Variants in KIAA1671 observed in about 807,000 individuals in gnomAD.
The protein encoded by KIAA1671 is uncharacterized protein KIAA1671.
A neutral mutation model predicts 131.2 loss-of-function variants in KIAA1671; 52 were observed. The observed-to-expected ratio is 0.40, with a 90% confidence interval of 0.32 to 0.50. KIAA1671 has a LOEUF of 0.50. Among genes scored for constraint, KIAA1671 ranks in the 20% least tolerant of loss-of-function variants. The pLI is 0.73. For synonymous variants in KIAA1671, 1,003 were observed against 961.6 expected, an observed-to-expected ratio of 1.04 and a Z score of -0.80; for missense variants, 2,360 against 2,364.2, an observed-to-expected ratio of 1.00 and a Z score of 0.04.
At chr22:25,165,972 C>CAGGCCGTA (rs796147831) in intron 6 of KIAA1671, among the ~76,000 whole-genome samples, 4 of 152,136 alleles carry the variant, frequency 2.6e-5, no homozygotes, top group African/African-American at 7.2e-5. Flanking sequence ...GTCCCGCAGG[C>CAGGCCGTA]CGTAACCCTT....
intron 6 of KIAA1671, among the ~76,000 whole-genome samples, chr22:25,153,903 C>T (rs9608371): frequency 0.11 from 16,148 of 152,286 alleles, 931 homozygotes; most frequent in East Asian, 0.16. Context: ...CACCCCAAGG[C>T]GCCTGCTAAC....
chr22:25,130,277 G>T (rs1448307032), intron 6 of KIAA1671, among the ~76,000 whole-genome samples: 1 of 152,166 alleles, frequency 6.6e-6, no homozygotes, highest in Non-Finnish European at 1.5e-5. Context: ...GTCACACCCT[G>T]TTAAGATCTA....
chr22:25,029,363 G>A lies in KIAA1671; in HGVS notation c.1364G>A (p.Gly455Glu). The A allele has an allele frequency of 6.4e-7, 1 of 1,551,218 alleles. No homozygotes were observed. The highest frequency in any genetic ancestry group is 8.7e-7 in the Non-Finnish European group (1 of 1,146,766). The change falls in exon 3 of 13, where the codon GGG becomes GAG. Residue 455 changes from glycine (G) to glutamate (E), a missense_variant. By Grantham distance (98) the Gly-to-Glu change is moderately conservative. Transcript: ENST00000358431. ...REDSTLALAV[G>E]SESPLATPAS... Reference sequence around the variant, plus strand: ...GACAGCACCTTGGCCTTGGCAGTGGGGTCTGAATCTCCCCTGGCCACCCCT... The same window carrying A: ...GACAGCACCTTGGCCTTGGCAGTGGAGTCTGAATCTCCCCTGGCCACCCCT...
At position 25,125,603 on chromosome 22, in the gene KIAA1671, C is replaced by A. The variant is rs552904287; in HGVS notation, c.4531-45217C>A. Among the ~76,000 whole-genome samples the A allele has an allele frequency of 1.0e-3, 155 of 152,302 alleles. 7 individuals are homozygous for A. The South Asian group carries it at 0.032, about 31-fold the overall frequency. ...CGTTCGGGGCTGGATAATTCTCTGT[C>A]ATAGGGAGCTGTCCTGGGCACTGTA... On this transcript the variant is annotated intron_variant, in intron 6 of 12. Coordinates refer to ENST00000358431, the MANE Select transcript of KIAA1671 (RefSeq NM_001145206.2).
intron 6 of KIAA1671, among the ~76,000 whole-genome samples, chr22:25,113,246 A>T (rs933175531): frequency 6.6e-6 from 1 of 151,806 alleles, no homozygotes; most frequent in Non-Finnish European, 1.5e-5. Flanking sequence ...CCAGGCTCTG[A>T]CCTCCCCATT....
chr22:24,994,635 C>T (rs955302605), intron 1 of KIAA1671, among the ~76,000 whole-genome samples: 1 of 152,114 alleles, frequency 6.6e-6, no homozygotes, highest in Admixed American at 6.5e-5. Flanking sequence ...CAGAGGGCGA[C>T]CGTGGCTCAG....
At chr22:25,181,128 A>T (rs1934257185) in intron 9 of KIAA1671, among the ~76,000 whole-genome samples, 2 of 152,146 alleles carry the variant, frequency 1.3e-5, no homozygotes, top group Non-Finnish European at 1.5e-5. Context: ...GTCTCAGAGA[A>T]GTAGAAACTC....
intron 1 of KIAA1671, among the ~76,000 whole-genome samples, chr22:25,022,020 C>T (rs1037235163): frequency 2.6e-5 from 4 of 152,092 alleles, no homozygotes; most frequent in African/African-American, 9.7e-5. Flanking sequence ...GTGATCTGCT[C>T]GCCTCAGCCT....
intron 11 of KIAA1671, among the ~76,000 whole-genome samples, chr22:25,189,446 T>C (rs1934596798): frequency 1.3e-5 from 2 of 152,224 alleles, no homozygotes; most frequent in African/African-American, 4.8e-5. Flanking sequence ...GTGCAGGGAT[T>C]ACGGGCGTGA....
intron 6 of KIAA1671, among the ~76,000 whole-genome samples, chr22:25,081,985 C>G (rs1929433993): frequency 6.6e-6 from 1 of 152,066 alleles, no homozygotes; most frequent in African/African-American, 2.4e-5. Flanking sequence ...CACCTAAGCC[C>G]AGGAGTTGGA....
At position 25,069,777 on chromosome 22, in the gene KIAA1671, G is replaced by A. The variant is rs182971454; in HGVS notation, c.4530+20413G>A. Among the ~76,000 whole-genome samples the A allele has an allele frequency of 8.5e-5, 13 of 152,230 alleles. No individual in the cohort carries two copies. The East Asian group carries it at 1.5e-3, about 18-fold the overall frequency. ...CTGAGTTGATTTCCTTCCCTGTAAC[G>A]AGTGGCAGGGCCTCCTTCTCCTCAT... is the stretch of plus-strand genomic sequence containing the variant. On this transcript the variant is annotated intron_variant, in intron 6 of 12. Transcript: ENST00000358431.
chr22:25,186,767 T>C (rs1188917064), intron 11 of KIAA1671, among the ~76,000 whole-genome samples: 4 of 152,198 alleles, frequency 2.6e-5, no homozygotes, highest in Non-Finnish European at 5.9e-5. Flanking sequence ...CAGTGTAAAA[T>C]ACATAGCGCA....
At chr22:25,063,724 T>C (rs1227601692) in intron 6 of KIAA1671, 1 of 152,166 alleles carries the variant, frequency 6.6e-6, no homozygotes, top group Non-Finnish European at 1.5e-5. Flanking sequence ...AAAACAATCT[T>C]GAAAAGCAAA....
intron 3 of KIAA1671, 132 bp downstream of exon 3, chr22:25,029,672 A>G (rs1354230295): frequency 2.9e-6 from 2 of 685,056 alleles, no homozygotes; most frequent in Admixed American, 6.1e-5. Context: ...AGGTAGTGGC[A>G]GTGTCCATTT....
At chr22:24,983,587 C>T (rs1803774339) in intron 1 of KIAA1671, among the ~76,000 whole-genome samples, 1 of 149,496 alleles carries the variant, frequency 6.7e-6, no homozygotes, top group African/African-American at 2.5e-5. Flanking sequence ...AAAGCTCAGA[C>T]TTAAAGGATG....
chr22:24,964,523 G>A lies in KIAA1671; in HGVS notation c.-208+11751G>A, dbSNP rs1417482600. On this transcript the variant is annotated intron_variant, in intron 1 of 12. Transcript: ENST00000358431. Reference sequence around the variant, plus strand: ...TGCAACTTCCATTTCCCAGGCTCAAGTGATTCTCTCTCCTCAGCCTTCTGA... The same window carrying A: ...TGCAACTTCCATTTCCCAGGCTCAAATGATTCTCTCTCCTCAGCCTTCTGA... Among the ~76,000 whole-genome samples the A allele has an allele frequency of 2.0e-5, 3 of 152,022 alleles. No homozygotes were observed. In the South Asian group the frequency reaches 6.2e-4, roughly 32 times the overall value.
rs1926903870 is a variant in KIAA1671 at position 25,041,159 on chromosome 22, T to C, written c.4029T>C (p.Asn1343=). Residue 1343 remains asparagine, a synonymous_variant, in exon 5 of 13, where the codon AAT becomes AAC. Coordinates refer to ENST00000358431, the MANE Select transcript of KIAA1671 (RefSeq NM_001145206.2). ...ASKHHVAKCQ[N]YLAESKPSGR... ...AACATCATGTTGCAAAGTGTCAGAA[T>C]TACCTGGCTGAGTCAAAGCCCTCTG... is the stretch of plus-strand genomic sequence containing the variant. 1.2e-5 allele frequency: 19 copies of C among 1,551,446 alleles called. No homozygotes were observed. In the South Asian group the frequency reaches 2.1e-4, roughly 17 times the overall value.
rs140313668 is a variant in KIAA1671 at position 25,106,940 on chromosome 22, A to T, written c.4530+57576A>T. Among the ~76,000 whole-genome samples, 227 of 152,316 alleles carry T rather than the reference A, an allele frequency of 1.5e-3. 4 individuals are homozygous for T. In the South Asian group the frequency reaches 0.033, roughly 22 times the overall value. On this transcript the variant is annotated intron_variant, in intron 6 of 12. Transcript: ENST00000358431. ...TCTTATAGCAAAATGTTTGTATATT[A>T]TTATTGTTATTTCCAAAGGAATTCC...
intron 6 of KIAA1671, among the ~76,000 whole-genome samples, chr22:25,101,469 G>T (rs574794858): frequency 1.1e-4 from 16 of 152,336 alleles, no homozygotes; most frequent in Non-Finnish European, 2.1e-4. Flanking sequence ...TTTCTAGAAA[G>T]ATTTCCTTGC....
Sources: gnomAD v4.1 joint callset for allele counts (sites outside exome capture counted in the v4.1 genomes callset) on GRCh38, gnomAD v4.1.1 for gene constraint, MANE v1.5 for transcripts, NCBI Gene and HGNC (gene_info 2026-07-23, HGNC 2026-07-21) for gene names.